Variants in DEPDC5 observed in about 807,000 individuals in gnomAD.
The protein encoded by DEPDC5 is GATOR1 complex protein DEPDC5.
In DEPDC5, 73 loss-of-function variants were observed where a neutral mutation model predicts 217.3. The observed-to-expected ratio is 0.34, with a 90% CI of 0.28 to 0.41. The LOEUF (loss-of-function observed/expected upper bound fraction) is 0.41, where lower values mean the gene tolerates loss of function less well. Among genes scored for constraint, DEPDC5 ranks in the 10% least tolerant of loss-of-function variants. DEPDC5 has a pLI of 1.00. For synonymous variants in DEPDC5, 733 were observed against 756.7 expected, an observed-to-expected ratio of 0.97 and a Z score of 0.51; for missense variants, 1,675 against 2,070.1, an observed-to-expected ratio of 0.81 and a Z score of 3.70.
At chr22:31,882,479 TA>T (rs1810288705) in intron 38 of DEPDC5, among the ~76,000 whole-genome samples, 1 of 152,172 alleles carries the variant, frequency 6.6e-6, no homozygotes, top group South Asian at 2.1e-4. Flanking sequence ...AAATTTCAAA[TA>T]TTCAAATAAA....
intron 18 of DEPDC5, 27 bp downstream of exon 18, chr22:31,806,218 G>C: frequency 6.3e-7 from 1 of 1,593,304 alleles, no homozygotes; most frequent in Non-Finnish European, 8.6e-7. Flanking sequence ...GTTAAGACGG[G>C]GTCTTATTAT....
At chr22:31,896,682 C>T (rs1406492059) in intron 39 of DEPDC5, among the ~76,000 whole-genome samples, 1 of 152,146 alleles carries the variant, frequency 6.6e-6, no homozygotes, top group Admixed American at 6.5e-5. Flanking sequence ...ATTTGGGACT[C>T]TGCCAGAGAG....
chr22:31,779,458 G>A (rs1458385153), intron 8 of DEPDC5, among the ~76,000 whole-genome samples: 1 of 152,212 alleles, frequency 6.6e-6, no homozygotes, highest in Admixed American at 6.5e-5. Flanking sequence ...AGAAGTCAGT[G>A]TGGTGGAAGT....
intron 34 of DEPDC5, 118 bp downstream of exon 34, chr22:31,870,862 A>G: frequency 8.2e-7 from 1 of 1,219,154 alleles, no homozygotes; most frequent in Non-Finnish European, 1.1e-6. Context: ...CACAAGTCAC[A>G]TGCGACCCTG....
At chr22:31,866,929 T>C (rs1488436592) in intron 33 of DEPDC5, among the ~76,000 whole-genome samples, 1 of 152,272 alleles carries the variant, frequency 6.6e-6, no homozygotes, top group East Asian at 1.9e-4. Context: ...ACTTGGTTAA[T>C]GTCATATTTG....
intron 7 of DEPDC5, chr22:31,769,112 T>C (rs2083093128): frequency 4.1e-6 from 1 of 242,012 alleles, no homozygotes; most frequent in Non-Finnish European, 8.0e-6. Flanking sequence ...TACAAAAAAT[T>C]AGCTGGGCGT....
intron 41 of DEPDC5, among the ~76,000 whole-genome samples, chr22:31,904,006 G>A (rs2093711311): frequency 6.6e-6 from 1 of 152,062 alleles, no homozygotes. Context: ...TGACACATCA[G>A]CCCACCCATA....
At chr22:31,761,662 CAAAAAA>C (rs532267383) in intron 4 of DEPDC5, among the ~76,000 whole-genome samples, 2 of 97,476 alleles carry the variant, frequency 2.1e-5, no homozygotes. Flanking sequence ...GACCCTATCT[CAAAAAA>C]AAAAAAAAAA....
rs1019226810 is a variant in DEPDC5, at chr22:31,806,252, C to T, written c.1287+61C>T. The T allele has an allele frequency of 2.1e-6, 3 of 1,440,330 alleles. No homozygotes were observed. In the East Asian group the frequency reaches 6.9e-5, roughly 33 times the overall value. The allele number at this position is 1,440,330 out of a possible 1,614,324, so 89.2% of individuals were successfully genotyped here. A position where few individuals can be genotyped will look rare whatever the true frequency, so the allele number is the denominator to read the frequency against. ...ATGTGGTCCAGTCTTATCTTGAGCT[C>T]CTGGACTCAATCAGTCCTCCTGTTT... On this transcript the variant is annotated intron_variant, in intron 18 of 42. Transcript: ENST00000651528.
At chr22:31,857,905 T>C (rs960486085) in intron 32 of DEPDC5, 4 of 170,412 alleles carry the variant, frequency 2.3e-5, no homozygotes, top group Non-Finnish European at 5.0e-5. Flanking sequence ...AAAAATAAAA[T>C]TAGCTAGATG....
Position 31,784,884 on chromosome 22 carries a change from C to T in DEPDC5, c.624+9C>T. The T allele has an allele frequency of 1.2e-6, 2 of 1,610,164 alleles. No homozygotes were observed. Among genetic ancestry groups the T allele is most frequent in the Middle Eastern group, 1.7e-4 (1 of 6,050 alleles). On this transcript the variant is annotated intron_variant, in intron 10 of 42. Coordinates refer to ENST00000651528, the MANE Select transcript of DEPDC5 (RefSeq NM_001242896.3). ...TATTTACCAAGTGGAAGGTACATTT[C>T]TTCTTACACACTAAGTCTCATTATG... is the stretch of plus-strand genomic sequence containing the variant.
chr22:31,769,191 C>T (rs1200001103), intron 7 of DEPDC5: 3 of 159,182 alleles, frequency 1.9e-5, no homozygotes, highest in East Asian at 1.8e-4. Context: ...ACCCGGGAGG[C>T]GGAGCTTGCA....
At chr22:31,814,321 T>C (rs1444084653) in intron 20 of DEPDC5, 1 of 152,268 alleles carries the variant, frequency 6.6e-6, no homozygotes, top group Non-Finnish European at 1.5e-5. Context: ...CACGGTACCA[T>C]TATCATTGGT....
chr22:31,770,862 T>G (rs536563876), intron 7 of DEPDC5, among the ~76,000 whole-genome samples: 2 of 150,882 alleles, frequency 1.3e-5, no homozygotes, highest in Non-Finnish European at 3.0e-5. Flanking sequence ...TGTGATCTTG[T>G]CTCACTGCAA....
chr22:31,812,420 C>CTTTT (rs57618137), intron 20 of DEPDC5, among the ~76,000 whole-genome samples: 79 of 98,272 alleles, frequency 8.0e-4, no homozygotes, highest in Non-Finnish European at 9.1e-4. Context: ...TTCCATATTT[C>CTTTT]TTTTTTTTTT....
At chr22:31,838,654 A>C in intron 26 of DEPDC5, 31 bp from the exon 27 acceptor site, 1 of 1,610,658 alleles carries the variant, frequency 6.2e-7, no homozygotes, top group Non-Finnish European at 8.5e-7. Context: ...CGGGCCAAGC[A>C]TCTGTATGAG....
intron 24 of DEPDC5, among the ~76,000 whole-genome samples, chr22:31,830,429 G>A (rs1257783692): frequency 2.0e-5 from 3 of 152,194 alleles, no homozygotes; most frequent in African/African-American, 7.2e-5. Context: ...CAGGCTGGTG[G>A]GACTCTTCAT....
chr22:31,804,378 T>C (rs2087239824), intron 16 of DEPDC5, among the ~76,000 whole-genome samples, 155 bp downstream of exon 16: 1 of 152,150 alleles, frequency 6.6e-6, no homozygotes, highest in African/African-American at 2.4e-5. Flanking sequence ...TATAGTTTGC[T>C]ATGAACATGC....
chr22:31,883,813 C>T (rs561908863), intron 38 of DEPDC5, among the ~76,000 whole-genome samples: 4 of 152,298 alleles, frequency 2.6e-5, no homozygotes, highest in Non-Finnish European at 5.9e-5. Context: ...CACAATAGCC[C>T]AGTTCCAGGA....
Sources: gnomAD v4.1 joint callset for allele counts (sites outside exome capture counted in the v4.1 genomes callset) on GRCh38, gnomAD v4.1.1 for gene constraint, MANE v1.5 for transcripts, NCBI Gene and HGNC (gene_info 2026-07-23, HGNC 2026-07-21) for gene names.